Variants in RANBP2 observed in about 807,000 individuals in gnomAD.
RANBP2 encodes E3 SUMO-protein ligase RanBP2.
RANBP2 carries 57 observed loss-of-function variants against 303.6 expected under a neutral mutation model. The ratio of observed to expected loss-of-function variants is 0.19; its 90% CI spans 0.15 to 0.23. RANBP2 has a LOEUF of 0.23. Among genes scored for constraint, RANBP2 ranks in the 10% least tolerant of loss-of-function variants. The pLI, the probability that RANBP2 is intolerant of heterozygous loss-of-function variation, is 1.00. For missense variants in RANBP2, 3,138 were observed against 3,780.8 expected, an observed-to-expected ratio of 0.83 and a Z score of 4.46; for synonymous variants, 1,167 against 1,301.5, an observed-to-expected ratio of 0.90 and a Z score of 2.23.
At chr2:109,190,084 T>C in the RANBP2 span, among the ~76,000 whole-genome samples, 2 of 152,258 alleles carry the variant, frequency 1.3e-5, no homozygotes, top group East Asian at 3.8e-4. Flanking sequence ...TTTAAACTTT[T>C]CCCGTGATCA....
the RANBP2 span, among the ~76,000 whole-genome samples, chr2:109,766,785 T>A: frequency 6.7e-6 from 1 of 150,006 alleles, no homozygotes; most frequent in African/African-American, 2.5e-5. Context: ...TAGATTTGCC[T>A]GTTTGATTTT....
the RANBP2 span, among the ~76,000 whole-genome samples, chr2:109,506,151 G>T: frequency 6.6e-6 from 1 of 152,188 alleles, no homozygotes; most frequent in Non-Finnish European, 1.5e-5. Context: ...GGCCTGTGTA[G>T]CCGAGATGTT....
At chr2:108,966,216 A>G in the RANBP2 span, among the ~76,000 whole-genome samples, 1 of 152,178 alleles carries the variant, frequency 6.6e-6, no homozygotes, top group Admixed American at 6.5e-5. Flanking sequence ...AAGAATGCAA[A>G]GACCTGTCTG....
intron 18 of RANBP2, among the ~76,000 whole-genome samples, chr2:108,758,902 GATA>G (rs1405459481): frequency 2.1e-4 from 31 of 150,838 alleles, no homozygotes; most frequent in African/African-American, 5.1e-4. Context: ...TTATTTTGAT[GATA>G]ATGATGAGAG....
the RANBP2 span, among the ~76,000 whole-genome samples, chr2:109,572,586 A>G: frequency 9.5e-5 from 14 of 147,580 alleles, no homozygotes; most frequent in Non-Finnish European, 1.9e-4. Flanking sequence ...GGACAGGTAG[A>G]CTTCAGCTAA....
At chr2:109,539,897 G>A in the RANBP2 span, among the ~76,000 whole-genome samples, 2 of 152,164 alleles carry the variant, frequency 1.3e-5, no homozygotes, top group South Asian at 4.1e-4. Flanking sequence ...TTCATTGTAT[G>A]GATGAACCAC....
At chr2:109,355,926 G>T in the RANBP2 span, among the ~76,000 whole-genome samples, 1 of 152,170 alleles carries the variant, frequency 6.6e-6, no homozygotes, top group African/African-American at 2.4e-5. Flanking sequence ...TCAGAGTCCT[G>T]TTGTGATCTA....
At chr2:108,819,742 G>C in the RANBP2 span, among the ~76,000 whole-genome samples, 2 of 152,088 alleles carry the variant, frequency 1.3e-5, no homozygotes, top group Non-Finnish European at 2.9e-5. Flanking sequence ...TTTGTTTTCT[G>C]TTTTTTCAAA....
chr2:109,399,925 C>T, the RANBP2 span, among the ~76,000 whole-genome samples: 1 of 152,228 alleles, frequency 6.6e-6, no homozygotes, highest in African/African-American at 2.4e-5. Context: ...CCATTTCTCC[C>T]TGCGCTGCAG....
At chr2:109,180,277 C>T in the RANBP2 span, among the ~76,000 whole-genome samples, 1 of 152,182 alleles carries the variant, frequency 6.6e-6, no homozygotes, top group Non-Finnish European at 1.5e-5. Flanking sequence ...CTCTGCTTCT[C>T]TCTGAGTCCG....
chr2:108,806,968 C>T, the RANBP2 span, among the ~76,000 whole-genome samples: 1 of 152,176 alleles, frequency 6.6e-6, no homozygotes, highest in Non-Finnish European at 1.5e-5. Context: ...GGAGACAGAA[C>T]TTTCCTAAAC....
At chr2:109,258,315 A>G in the RANBP2 span, among the ~76,000 whole-genome samples, 2 of 152,182 alleles carry the variant, frequency 1.3e-5, no homozygotes, top group Admixed American at 6.5e-5. Context: ...GCCAGTCAGG[A>G]GGTCTTGTCC....
chr2:109,229,176 A>G, the RANBP2 span, among the ~76,000 whole-genome samples: 1 of 152,226 alleles, frequency 6.6e-6, no homozygotes, highest in Non-Finnish European at 1.5e-5. Context: ...GCCAGGAACC[A>G]GGGACAAAGA....
At chr2:108,950,350 G>A in the RANBP2 span, among the ~76,000 whole-genome samples, 6 of 151,712 alleles carry the variant, frequency 4.0e-5, no homozygotes, top group African/African-American at 4.8e-5. Flanking sequence ...TTTTGGGCTC[G>A]AATGATCCTC....
At chr2:109,209,992 G>A in the RANBP2 span, among the ~76,000 whole-genome samples, 114 of 152,234 alleles carry the variant, frequency 7.5e-4, no homozygotes, top group Admixed American at 2.2e-3. Flanking sequence ...AGCCCCCCCA[G>A]TAACCTCTGT....
At chr2:109,295,403 A>G in the RANBP2 span, among the ~76,000 whole-genome samples, 10 of 152,206 alleles carry the variant, frequency 6.6e-5, no homozygotes, top group South Asian at 8.3e-4. Context: ...CTGGCTCTGA[A>G]GTCTTCAGTG....
the RANBP2 span, among the ~76,000 whole-genome samples, chr2:109,728,644 G>A: frequency 6.6e-6 from 1 of 150,764 alleles, no homozygotes; most frequent in East Asian, 1.9e-4. Flanking sequence ...TTAGTAAAGA[G>A]GGGTTTCACC....
chr2:109,553,045 T>A, the RANBP2 span: 1 of 1,591,116 alleles, frequency 6.3e-7, no homozygotes, highest in Non-Finnish European at 8.5e-7. Context: ...TAATAGGACA[T>A]CTAAAAAATA....
the RANBP2 span, among the ~76,000 whole-genome samples, chr2:108,932,281 C>G: frequency 6.6e-6 from 1 of 151,996 alleles, no homozygotes; most frequent in Non-Finnish European, 1.5e-5. Context: ...GTAATCCCAG[C>G]ACTTTGGGAG....
Sources: allele counts gnomAD v4.1 joint callset (sites outside exome capture counted in the v4.1 genomes callset), GRCh38; gene constraint gnomAD v4.1.1; transcripts MANE v1.5; gene names NCBI Gene and HGNC (gene_info 2026-07-23, HGNC 2026-07-21).